DAB1: variants seen among roughly 807,000 people sequenced by gnomAD.
DAB1 encodes the protein disabled homolog 1.
DAB1 carries 15 observed loss-of-function variants against 64.6 expected under a neutral mutation model. The observed-to-expected ratio is 0.23, with a 90% CI of 0.16 to 0.36. The LOEUF is 0.36. DAB1 is among the 10% of genes least tolerant of loss of function. DAB1 has a pLI of 1.00. For synonymous variants in DAB1, 235 were observed against 251.9 expected, an observed-to-expected ratio of 0.93 and a Z score of 0.64; for missense variants, 596 against 706.7, an observed-to-expected ratio of 0.84 and a Z score of 1.78.
intron 7 of DAB1, among the ~76,000 whole-genome samples, chr1:57,481,150 A>G (rs985442329): frequency 6.6e-6 from 1 of 152,184 alleles, no homozygotes; most frequent in Admixed American, 6.5e-5. Context: ...GAAAGTCCTA[A>G]TGCCCACACT....
At chr1:57,252,200 T>C (rs1044224757) in intron 2 of DAB1, among the ~76,000 whole-genome samples, 1 of 152,210 alleles carries the variant, frequency 6.6e-6, no homozygotes, top group African/African-American at 2.4e-5. Context: ...TTTTCATCCA[T>C]CACTGACTAA....
At chr1:57,042,312 T>C (rs1398228012) in intron 9 of DAB1, among the ~76,000 whole-genome samples, 1 of 152,232 alleles carries the variant, frequency 6.6e-6, no homozygotes, top group Non-Finnish European at 1.5e-5. Context: ...TCACATGCCC[T>C]CTGAATAAGT....
At chr1:57,765,715 A>G (rs1479721572) in intron 6 of DAB1, among the ~76,000 whole-genome samples, 1 of 152,062 alleles carries the variant, frequency 6.6e-6, no homozygotes, top group African/African-American at 2.4e-5. Context: ...CCTCCTCCAT[A>G]CAGCACACTC....
At chr1:58,323,924 C>CAAAA (rs11432020) in intron 4 of DAB1, among the ~76,000 whole-genome samples, 2 of 80,108 alleles carry the variant, frequency 2.5e-5, no homozygotes, top group Admixed American at 2.7e-4. Flanking sequence ...GACTCCATCT[C>CAAAA]AAAAAAAAAA....
chr1:57,417,275 G>GT (rs5774344), intron 1 of DAB1, among the ~76,000 whole-genome samples: 14,369 of 152,086 alleles, frequency 0.094, 783 homozygotes, highest in Admixed American at 0.12. Flanking sequence ...GTTGCAAATT[G>GT]TTTTTTGTGA....
chr1:58,525,456 C>T (rs1646334767), intron 2 of DAB1, among the ~76,000 whole-genome samples: 1 of 152,050 alleles, frequency 6.6e-6, no homozygotes, highest in South Asian at 2.1e-4. Flanking sequence ...AAGCAATTTA[C>T]TTTAAAAATG....
intron 3 of DAB1, among the ~76,000 whole-genome samples, chr1:58,443,449 G>T (rs547849391): frequency 6.6e-6 from 1 of 152,236 alleles, no homozygotes; most frequent in East Asian, 1.9e-4. Context: ...AAGGCTTTTT[G>T]TTCACTTAAG....
At chr1:58,227,741 C>T (rs1659566098) in intron 4 of DAB1, among the ~76,000 whole-genome samples, 1 of 152,208 alleles carries the variant, frequency 6.6e-6, no homozygotes, top group Non-Finnish European at 1.5e-5. Flanking sequence ...GATTTGCCCA[C>T]AGTGTAAGCC....
intron 3 of DAB1, among the ~76,000 whole-genome samples, chr1:58,348,660 C>G (rs555276326): frequency 2.1e-4 from 32 of 152,282 alleles, no homozygotes; most frequent in African/African-American, 7.5e-4. Flanking sequence ...TTTTAGAACT[C>G]AATAATTCAA....
intron 7 of DAB1, among the ~76,000 whole-genome samples, chr1:57,559,620 G>C (rs1645028571): frequency 6.6e-6 from 1 of 152,156 alleles, no homozygotes; most frequent in Non-Finnish European, 1.5e-5. Context: ...AATTAATGGA[G>C]TTTTAGCTCA....
intron 2 of DAB1, among the ~76,000 whole-genome samples, chr1:57,154,587 A>G (rs1660033897): frequency 6.6e-6 from 1 of 152,168 alleles, no homozygotes; most frequent in Non-Finnish European, 1.5e-5. Flanking sequence ...ATCATATTGT[A>G]GCTCTATTTC....
At chr1:57,846,809 G>A (rs1033839779) in intron 1 of DAB1, among the ~76,000 whole-genome samples, 6 of 152,138 alleles carry the variant, frequency 3.9e-5, no homozygotes, top group African/African-American at 4.8e-5. Context: ...ACACATACAC[G>A]TGCACGTGCG....
chr1:57,702,648 G>T (rs1193757140), intron 6 of DAB1, among the ~76,000 whole-genome samples: 2 of 152,088 alleles, frequency 1.3e-5, no homozygotes. Flanking sequence ...AGTCATTTCG[G>T]TATCATCAGA....
At chr1:57,508,038 C>T (rs1644365273) in intron 7 of DAB1, among the ~76,000 whole-genome samples, 2 of 152,170 alleles carry the variant, frequency 1.3e-5, no homozygotes, top group Non-Finnish European at 1.5e-5. Flanking sequence ...GTGTTTTTAA[C>T]CAGCTCCCTG....
intron 4 of DAB1, among the ~76,000 whole-genome samples, chr1:58,157,214 T>C (rs912530685): frequency 6.6e-6 from 1 of 152,198 alleles, no homozygotes; most frequent in Admixed American, 6.5e-5. Context: ...TTTCAAGCAA[T>C]AATCCATAAT....
chr1:57,551,252 T>C lies in DAB1; in HGVS notation n.625+98340A>G, dbSNP rs77074095. ...GTTCTGATCTCCACCACTCAGTACATAAGGATTGTAGGGAACATCCCATTC... is the reference window on the plus strand; with the variant it reads ...GTTCTGATCTCCACCACTCAGTACACAAGGATTGTAGGGAACATCCCATTC... On this transcript the variant is annotated intron_variant and non_coding_transcript_variant, in intron 7 of 20. Coordinates refer to the DAB1 transcript ENST00000485760. 3.2e-3 allele frequency among the ~76,000 whole-genome samples: 484 copies of C among 152,252 alleles called. 15 individuals carry two copies. The East Asian group carries it at 0.078, about 25-fold the overall frequency.
intron 7 of DAB1, among the ~76,000 whole-genome samples, chr1:57,575,046 C>T (rs1645234838): frequency 6.6e-6 from 1 of 152,194 alleles, no homozygotes; most frequent in East Asian, 1.9e-4. Flanking sequence ...GATGAAACTG[C>T]TGGCCTCATT....
chr1:57,354,355 A>G (rs988415875), intron 1 of DAB1, among the ~76,000 whole-genome samples: 4 of 152,156 alleles, frequency 2.6e-5, no homozygotes, highest in Non-Finnish European at 4.4e-5. Flanking sequence ...TGGACCTTAG[A>G]TCACTTCAAA....
At chr1:57,303,413 C>T (rs1437943602) in intron 1 of DAB1, among the ~76,000 whole-genome samples, 2 of 152,224 alleles carry the variant, frequency 1.3e-5, no homozygotes, top group Non-Finnish European at 2.9e-5. Flanking sequence ...TCCCCAAGGA[C>T]AATCTGCTGC....
Sources: allele counts gnomAD v4.1 joint callset (sites outside exome capture counted in the v4.1 genomes callset), GRCh38; gene constraint gnomAD v4.1.1; transcripts MANE v1.5; gene names NCBI Gene and HGNC (gene_info 2026-07-23, HGNC 2026-07-21).